The following EIPR1 variants were observed in gnomAD, a reference collection of about 807,000 sequenced individuals.
EIPR1 encodes EARP and GARP complex-interacting protein 1.
A neutral mutation model predicts 48.1 loss-of-function variants in EIPR1; 25 were observed. The ratio of observed to expected loss-of-function variants is 0.52; its 90% confidence interval spans 0.38 to 0.73. The LOEUF is 0.73. Among genes scored for constraint, EIPR1 ranks in the 30% least tolerant of loss-of-function variants. The pLI is 0.00. For synonymous variants in EIPR1, 204 were observed against 201.9 expected, an observed-to-expected ratio of 1.01 and a Z score of -0.09; for missense variants, 415 against 506.2, an observed-to-expected ratio of 0.82 and a Z score of 1.73.
At chr2:3,218,236 A>T (rs1313876399) in intron 4 of EIPR1, among the ~76,000 whole-genome samples, 1 of 80,950 alleles carries the variant, frequency 1.2e-5, no homozygotes, top group African/African-American at 4.9e-5. Flanking sequence ...ACTCAACACG[A>T]CCCTGATATG....
At chr2:3,268,975 G>A (rs373664030) in intron 3 of EIPR1, among the ~76,000 whole-genome samples, 1 of 152,306 alleles carries the variant, frequency 6.6e-6, no homozygotes, top group African/African-American at 2.4e-5. Flanking sequence ...GGCTGTGTGG[G>A]GCCTCTGGGA....
chr2:3,268,346 C>T (rs6548147), intron 3 of EIPR1, among the ~76,000 whole-genome samples: 95,090 of 151,952 alleles, frequency 0.63, 30,257 homozygotes, highest in East Asian at 0.76. Context: ...GCTGTGACCG[C>T]CCACTCCCCA....
At position 3,337,025 on chromosome 2, in the gene EIPR1, GGAAGGGAAAA is replaced by G. The variant is rs1211276177; in HGVS notation, c.259+982_259+991del. ...GGAAAGGGAAGGGAAAAGGGAAAAG[GGAAGGGAAAA>G]GAAAAGAGAAGGGAAAAGGGTAAAA... On this transcript the variant is annotated intron_variant, in intron 3 of 8. Coordinates refer to ENST00000382125, the MANE Select transcript of EIPR1 (RefSeq NM_003310.5). 8.2e-5 allele frequency among the ~76,000 whole-genome samples: 10 copies of G among 121,668 alleles called. 1 individual carries two copies. Among genetic ancestry groups the G allele is most frequent in the African/African-American group, 3.1e-4 (10 of 32,118 alleles). 79.8% of individuals were successfully genotyped at this position (121,668 alleles called of 152,430 possible).
intron 3 of EIPR1, among the ~76,000 whole-genome samples, chr2:3,280,956 T>C (rs1232725969): frequency 6.6e-6 from 1 of 152,140 alleles, no homozygotes; most frequent in Non-Finnish European, 1.5e-5. Flanking sequence ...CTCCCCTTGA[T>C]CTCCCTCCTT....
chr2:3,340,457 T>G (rs542696832), intron 2 of EIPR1, among the ~76,000 whole-genome samples: 71 of 152,334 alleles, frequency 4.7e-4, no homozygotes, highest in African/African-American at 1.7e-3. Context: ...AGCTTCCAAT[T>G]ACAAATCACA....
At chr2:3,300,385 C>T (rs996538189) in intron 3 of EIPR1, among the ~76,000 whole-genome samples, 4 of 152,184 alleles carry the variant, frequency 2.6e-5, no homozygotes, top group Admixed American at 2.0e-4. Context: ...TACACAGGCC[C>T]GCCCCCTCTC....
chr2:3,250,416 C>T (rs1193984052), intron 4 of EIPR1, among the ~76,000 whole-genome samples: 2 of 152,170 alleles, frequency 1.3e-5, no homozygotes, highest in African/African-American at 2.4e-5. Context: ...AATGCCTGCA[C>T]CCCCATTGTA....
chr2:3,341,448 A>G (rs1572465230), intron 2 of EIPR1, among the ~76,000 whole-genome samples: 2 of 151,566 alleles, frequency 1.3e-5, no homozygotes, highest in African/African-American at 2.4e-5. Context: ...GCATGGGTAC[A>G]CTATGCGTGT....
intron 1 of EIPR1, among the ~76,000 whole-genome samples, chr2:3,363,692 T>C (rs1670903980): frequency 6.8e-6 from 1 of 148,032 alleles, no homozygotes; most frequent in African/African-American, 2.5e-5. Flanking sequence ...CTCAAAAACA[T>C]AAATATATAA....
intron 3 of EIPR1, among the ~76,000 whole-genome samples, chr2:3,285,548 T>C (rs1366626497): frequency 6.6e-6 from 1 of 152,138 alleles, no homozygotes; most frequent in East Asian, 1.9e-4. Context: ...AGTGTTGGAG[T>C]CCAAAGAAAG....
At chr2:3,349,504 T>C (rs1558314184) in intron 2 of EIPR1, among the ~76,000 whole-genome samples, 1 of 152,056 alleles carries the variant, frequency 6.6e-6, no homozygotes, top group East Asian at 1.9e-4. Context: ...AACTGCACAA[T>C]ACCACCACAA....
intron 3 of EIPR1, among the ~76,000 whole-genome samples, chr2:3,335,405 C>T (rs1670012778): frequency 6.6e-6 from 1 of 151,962 alleles, no homozygotes; most frequent in Non-Finnish European, 1.5e-5. Context: ...TGCAGAAAGG[C>T]CATGCCCTGC....
chr2:3,214,218 C>A lies in EIPR1; in HGVS notation c.447G>T (p.Lys149Asn). The part of the protein sequence containing the change: ...CVVWEPMGDG[K>N]KIISLADNHI... ...GGTTATCAGCCAAGGAAATGATTTT[C>A]TTCCCATCTCCCATTGGCTCCCACA... The change falls in exon 5 of 9, where the codon AAG becomes AAT. Residue 149 changes from lysine to asparagine, a missense_variant. Physicochemically the swap from Lys to Asn is moderately conservative, Grantham distance 94. Coordinates refer to ENST00000382125, the MANE Select transcript of EIPR1 (RefSeq NM_003310.5). 1 of 1,613,814 alleles carries A rather than the reference C, an allele frequency of 6.2e-7. No homozygotes were observed.
intron 5 of EIPR1, among the ~76,000 whole-genome samples, chr2:3,197,699 T>C (rs1271126749): frequency 6.6e-6 from 1 of 152,180 alleles, no homozygotes; most frequent in Non-Finnish European, 1.5e-5. Context: ...GTTATTTCAA[T>C]TTGGGGGTTG....
intron 3 of EIPR1, among the ~76,000 whole-genome samples, chr2:3,275,009 A>C (rs1408578235): frequency 6.6e-6 from 1 of 152,148 alleles, no homozygotes; most frequent in Non-Finnish European, 1.5e-5. Flanking sequence ...CCAAAACAGC[A>C]TAAAGTAAGA....
At chr2:3,282,994 TGA>T (rs1668061260) in intron 3 of EIPR1, among the ~76,000 whole-genome samples, 1 of 152,176 alleles carries the variant, frequency 6.6e-6, no homozygotes, top group Non-Finnish European at 1.5e-5. Flanking sequence ...TACCTAGGGG[TGA>T]TCTGTCCTTT....
chr2:3,318,859 G>T, intron 3 of EIPR1: 1 of 471,148 alleles, frequency 2.1e-6, no homozygotes. Context: ...GAGCTCACCT[G>T]CGACCTGTCC....
intron 3 of EIPR1, among the ~76,000 whole-genome samples, chr2:3,260,012 C>T (rs1001763269): frequency 1.3e-5 from 2 of 152,244 alleles, no homozygotes; most frequent in South Asian, 4.1e-4. Flanking sequence ...AGCCTTGGGA[C>T]AAGCAAAGAT....
Position 3,214,145 on chromosome 2 carries a change from T to G in EIPR1, c.516+4A>C, listed in dbSNP as rs753015527. The stretch of plus-strand genomic sequence containing the variant: ...ACAAACGCTGTGTTGTTGCTTTTAC[T>G]TACCACAGCCTGGCTCGAGCTTTCC... On this transcript the variant is annotated splice_donor_region_variant and intron_variant, in intron 5 of 8. Transcript: ENST00000382125. 1.9e-6 allele frequency: 3 copies of G among 1,612,782 alleles called. No individual in the cohort carries two copies. Among genetic ancestry groups the G allele is most frequent in the Non-Finnish European group, 2.5e-6 (3 of 1,179,208 alleles).
Sources: allele counts gnomAD v4.1 joint callset (sites outside exome capture counted in the v4.1 genomes callset), GRCh38; gene constraint gnomAD v4.1.1; transcripts MANE v1.5; gene names NCBI Gene and HGNC (gene_info 2026-07-23, HGNC 2026-07-21).